The following ZHX3 variants were observed in gnomAD, a reference collection of about 807,000 sequenced individuals.
The protein encoded by ZHX3 is zinc fingers and homeoboxes protein 3.
In ZHX3, 20 loss-of-function variants were observed where a neutral mutation model predicts 64.5. The ratio of observed to expected loss-of-function variants is 0.31; its 90% CI spans 0.22 to 0.45. The LOEUF (loss-of-function observed/expected upper bound fraction) is 0.45, where lower values mean the gene tolerates loss of function less well. Among genes scored for constraint, ZHX3 ranks in the 20% least tolerant of loss-of-function variants. ZHX3 has a pLI of 1.00. For missense variants in ZHX3, 1,041 were observed against 1,195.8 expected (o/e 0.87, Z 1.91); for synonymous variants, 423 against 461.6 (o/e 0.92, Z 1.07).
Position 41,226,133 on chromosome 20 carries a change from C to A in ZHX3, c.-150-21067G>T, listed in dbSNP as rs903875216. On this transcript the variant is annotated intron_variant, in intron 2 of 3. Coordinates refer to ENST00000683867, the MANE Select transcript of ZHX3 (RefSeq NM_001384317.1). The surrounding 1 kb of genome is among the most constrained non-coding windows in gnomAD (Gnocchi z 4.4). ...TTATCTTGGGCTGGGCGCGGTGGCT[C>A]ACACCTGTAATCCCAGCACTTTGGG... 6.6e-6 allele frequency among the ~76,000 whole-genome samples: 1 copy of A among 152,110 alleles called. No homozygotes were observed. Among genetic ancestry groups the A allele is most frequent in the African/African-American group, 2.4e-5 (1 of 41,424 alleles).
intron 1 of ZHX3, among the ~76,000 whole-genome samples, chr20:41,281,082 T>C (rs963899324): frequency 2.6e-5 from 4 of 152,202 alleles, no homozygotes; most frequent in African/African-American, 9.6e-5. Flanking sequence ...TCTAGGAACA[T>C]GCTACAGTTA....
chr20:41,294,731 T>A (rs1408570912), intron 1 of ZHX3, among the ~76,000 whole-genome samples: 1 of 152,144 alleles, frequency 6.6e-6, no homozygotes, highest in African/African-American at 2.4e-5. Flanking sequence ...TTTTTTGAGA[T>A]GGAGTCTTGC....
In ZHX3 at chr20:41,184,865, G is replaced by A. The variant is rs754244007; in HGVS notation, c.*326C>T. ...ATGTTTTATTTAACATATAGAGGTG[G>A]ATGTATATGTTAAAAGCTTGATTCT... On this transcript the variant is annotated 3_prime_UTR_variant, in exon 4 of 4. Coordinates refer to ENST00000683867, the MANE Select transcript of ZHX3 (RefSeq NM_001384317.1). 4.7e-6 allele frequency: 7 copies of A among 1,475,730 alleles called. No homozygotes were observed. Among genetic ancestry groups the A allele is most frequent in the Non-Finnish European group, 5.4e-6 (6 of 1,107,456 alleles). The allele number at this position is 1,475,730 out of a possible 1,614,324, so 91.4% of individuals were successfully genotyped here. A position where few individuals can be genotyped will look rare whatever the true frequency, so the allele number is the denominator to read the frequency against.
At chr20:41,249,565 G>A (rs997577573) in intron 2 of ZHX3, among the ~76,000 whole-genome samples, 1 of 152,186 alleles carries the variant, frequency 6.6e-6, no homozygotes, top group African/African-American at 2.4e-5. Flanking sequence ...ATCAGTCTGT[G>A]GAGTAAGAAA....
intron 1 of ZHX3, among the ~76,000 whole-genome samples, chr20:41,270,102 T>C (rs2043056584): frequency 6.6e-6 from 1 of 152,040 alleles, no homozygotes; most frequent in African/African-American, 2.4e-5. Context: ...AGAAAAGCAT[T>C]ATGTTAAGGC....
intron 1 of ZHX3, among the ~76,000 whole-genome samples, chr20:41,302,136 A>G (rs1463524032): frequency 1.3e-5 from 2 of 150,900 alleles, no homozygotes; most frequent in Non-Finnish European, 2.9e-5. Context: ...GTTTACCTCA[A>G]ATCAACTTCT....
chr20:41,246,474 G>A (rs2041693687), intron 2 of ZHX3, among the ~76,000 whole-genome samples: 1 of 152,118 alleles, frequency 6.6e-6, no homozygotes, highest in South Asian at 2.1e-4. Context: ...CTTCTAAAAT[G>A]GTGAGACTTT....
At chr20:41,246,674 AC>A (rs2041704825) in intron 2 of ZHX3, among the ~76,000 whole-genome samples, 1 of 152,132 alleles carries the variant, frequency 6.6e-6, no homozygotes, top group African/African-American at 2.4e-5. Flanking sequence ...GGAGTTTAAG[AC>A]CAGCCTGGCC....
intron 2 of ZHX3, among the ~76,000 whole-genome samples, chr20:41,205,526 G>A (rs1265848354): frequency 8.0e-6 from 1 of 125,292 alleles, no homozygotes; most frequent in Non-Finnish European, 1.6e-5. Context: ...CCCAAGCCAG[G>A]CCCAGGGACC....
At chr20:41,194,194 T>C (rs987741156) in intron 3 of ZHX3, among the ~76,000 whole-genome samples, 1 of 152,218 alleles carries the variant, frequency 6.6e-6, no homozygotes, top group African/African-American at 2.4e-5. Flanking sequence ...TTTTCGGTCT[T>C]TCCCCATTGT....
At chr20:41,249,774 T>C (rs1367191039) in intron 2 of ZHX3, among the ~76,000 whole-genome samples, 2 of 151,910 alleles carry the variant, frequency 1.3e-5, no homozygotes, top group African/African-American at 4.8e-5. Flanking sequence ...ATCCTGAAAA[T>C]AACACAAAAG....
intron 2 of ZHX3, among the ~76,000 whole-genome samples, chr20:41,268,218 A>C (rs1448689109): frequency 6.6e-6 from 1 of 152,206 alleles, no homozygotes; most frequent in Non-Finnish European, 1.5e-5. Flanking sequence ...CTCTGCCTCC[A>C]TTTCTTTCTC....
chr20:41,196,395 A>T (rs1306265361), intron 3 of ZHX3, among the ~76,000 whole-genome samples: 1 of 52,246 alleles, frequency 1.9e-5, no homozygotes, highest in Admixed American at 3.5e-4. Context: ...ATATATATTT[A>T]TATATATTAT....
At chr20:41,251,814 T>C (rs1317200907) in intron 2 of ZHX3, among the ~76,000 whole-genome samples, 2 of 152,012 alleles carry the variant, frequency 1.3e-5, no homozygotes, top group Non-Finnish European at 2.9e-5. Context: ...AATACATAAA[T>C]ATCCTAAAAG....
chr20:41,204,257 A>T lies in ZHX3; in HGVS notation c.660T>A (p.Thr220=). The change falls in exon 3 of 4, where the codon ACT becomes ACA. Residue 220 remains threonine, a synonymous_variant. Transcript: ENST00000683867. The surrounding 1 kb of genome is among the most constrained non-coding windows in gnomAD (Gnocchi z 6.6). Reference sequence around the variant, plus strand: ...CCCCCTCTCTCACCTCCATTTCTCCAGTCGACAGCTTTGGTAAGGCCTCAC... The same window carrying T: ...CCCCCTCTCTCACCTCCATTTCTCCTGTCGACAGCTTTGGTAAGGCCTCAC... ...PVGEALPKLS[T]GEMEVREGDH... The T allele has an allele frequency of 3.7e-6, 6 of 1,614,152 alleles. No homozygotes were observed. The highest frequency in any genetic ancestry group is 5.1e-6 in the Non-Finnish European group (6 of 1,180,018).
chr20:41,206,584 C>T (rs758627638), intron 2 of ZHX3, among the ~76,000 whole-genome samples: 6 of 151,286 alleles, frequency 4.0e-5, no homozygotes, highest in Admixed American at 2.6e-4. Flanking sequence ...TGAAATGAAG[C>T]GAGAAGTTTA....
intron 2 of ZHX3, among the ~76,000 whole-genome samples, chr20:41,264,559 C>T (rs1440952962): frequency 1.2e-5 from 1 of 83,900 alleles, no homozygotes; most frequent in African/African-American, 4.0e-5. Flanking sequence ...AACTCCATCT[C>T]AAAAAAAAAA....
At position 41,185,442 on chromosome 20, in the gene ZHX3, C is replaced by A; in HGVS notation, c.2861-241G>T. 1.7e-6 allele frequency: 1 copy of A among 592,358 alleles called. No homozygotes were observed. Among genetic ancestry groups the A allele is most frequent in the Non-Finnish European group, 3.0e-6 (1 of 337,116 alleles). 36.7% of individuals were successfully genotyped at this position (592,358 alleles called of 1,614,324 possible). A position where few individuals can be genotyped will look rare whatever the true frequency, so the allele number is the denominator to read the frequency against. ...AGACTCTCTGAGAGACCCTGCTAAA[C>A]CCTAGGCCTAGCAGCAGGAGCAGTG... On this transcript the variant is annotated intron_variant, in intron 3 of 3. Transcript: ENST00000683867. The surrounding 1 kb of genome is among the most constrained non-coding windows in gnomAD (Gnocchi z 5.0).
At chr20:41,291,591 C>CTATATA (rs11472099) in intron 1 of ZHX3, among the ~76,000 whole-genome samples, 1 of 150,858 alleles carries the variant, frequency 6.6e-6, no homozygotes, top group Admixed American at 6.6e-5. Context: ...TATATATATA[C>CTATATA]TATATATTTT....
Sources: gnomAD v4.1 joint callset for allele counts (sites outside exome capture counted in the v4.1 genomes callset) on GRCh38, gnomAD v4.1.1 for gene constraint, Gnocchi (gnomAD v3.1) non-coding constraint, MANE v1.5 for transcripts, NCBI Gene and HGNC (gene_info 2026-07-23, HGNC 2026-07-21) for gene names.